CDON: variants seen among roughly 807,000 people sequenced by gnomAD.
CDON encodes the protein cell adhesion associated, oncogene regulated.
CDON carries 73 observed loss-of-function variants against 120.9 expected under a neutral mutation model. The observed-to-expected ratio is 0.60, with a 90% confidence interval of 0.50 to 0.73. The LOEUF is 0.73. Among genes scored for constraint, CDON ranks in the 30% least tolerant of loss-of-function variants. The pLI is 0.00. For missense variants in CDON, 1,470 were observed against 1,587.3 expected (o/e 0.93, Z 1.26); for synonymous variants, 566 against 573.5 (o/e 0.99, Z 0.19).
At chr11:126,062,244 G>A (rs1412423430) in intron 1 of CDON, among the ~76,000 whole-genome samples, 2 of 152,084 alleles carry the variant, frequency 1.3e-5, no homozygotes, top group East Asian at 1.9e-4. Context: ...GCTCCCTTGG[G>A]AAAACGCGCG....
chr11:126,038,141 G>A (rs1348574745), intron 1 of CDON, among the ~76,000 whole-genome samples: 1 of 152,110 alleles, frequency 6.6e-6, no homozygotes, highest in Non-Finnish European at 1.5e-5. Context: ...GAGACGTGAA[G>A]TTCAGTTTCA....
At chr11:126,003,027 G>A (rs7104467) in intron 10 of CDON, among the ~76,000 whole-genome samples, 45,304 of 151,852 alleles carry the variant, frequency 0.3, 7,199 homozygotes, top group East Asian at 0.53. Context: ...CTCCGATGTC[G>A]ACCGCTCATT....
chr11:125,986,015 A>T (rs1424465695), intron 15 of CDON, among the ~76,000 whole-genome samples: 1 of 152,244 alleles, frequency 6.6e-6, no homozygotes, highest in African/African-American at 2.4e-5. Context: ...ACACATGCAC[A>T]CGTATGTTTA....
chr11:125,981,414 G>A lies in CDON; in HGVS notation c.2996-85C>T. Reference sequence around the variant, plus strand: ...CATACGCACACACGCATGCACACATGCACATACGCACACACGCACACACGC... The same window carrying A: ...CATACGCACACACGCATGCACACATACACATACGCACACACGCACACACGC... On this transcript the variant is annotated intron_variant, in intron 16 of 19. Coordinates refer to ENST00000531738, the MANE Select transcript of CDON (RefSeq NM_001378964.1). 4.4e-6 allele frequency: 6 copies of A among 1,367,032 alleles called. No individual in the cohort carries two copies. In the South Asian group the frequency reaches 7.2e-5, roughly 16 times the overall value. The allele number at this position is 1,367,032 out of a possible 1,614,324, so 84.7% of individuals were successfully genotyped here.
chr11:125,982,217 G>A lies in CDON; in HGVS notation c.2996-888C>T, dbSNP rs537249190. Among the ~76,000 whole-genome samples, 5 of 151,806 alleles carry A rather than the reference G, an allele frequency of 3.3e-5. No individual in the cohort carries two copies. In the East Asian group the frequency reaches 5.8e-4, roughly 18 times the overall value. On this transcript the variant is annotated intron_variant, in intron 16 of 19. Coordinates refer to ENST00000531738, the MANE Select transcript of CDON (RefSeq NM_001378964.1). The stretch of plus-strand genomic sequence containing the variant: ...TTTCGATCTCCTGACCTCGTGATCC[G>A]CCCACCTCGGCTTCCCAAAGTGCTA...
At position 126,011,858 on chromosome 11, in the gene CDON, A is replaced by T. The variant is rs116438533; in HGVS notation, c.1199-1164T>A. Among the ~76,000 whole-genome samples the T allele has an allele frequency of 3.8e-3, 580 of 152,318 alleles. 3 individuals are homozygous for T. The highest frequency in any genetic ancestry group is 0.013 in the African/African-American group (528 of 41,574). ...TATTTAGATCTTTAATCCACTGAGAATGTATCTTTTATACAATGTGAGTAA... is the reference window on the plus strand; with the variant it reads ...TATTTAGATCTTTAATCCACTGAGATTGTATCTTTTATACAATGTGAGTAA... On this transcript the variant is annotated intron_variant, in intron 7 of 19. Coordinates refer to ENST00000531738, the MANE Select transcript of CDON (RefSeq NM_001378964.1).
chr11:126,021,194 A>G, intron 3 of CDON, 54 bp downstream of exon 3: 2 of 1,567,426 alleles, frequency 1.3e-6, no homozygotes, highest in Non-Finnish European at 1.7e-6. Flanking sequence ...AAATATAAGC[A>G]CTAACAGTAA....
At chr11:126,049,120 CA>C (rs1462767822) in intron 1 of CDON, among the ~76,000 whole-genome samples, 1 of 152,184 alleles carries the variant, frequency 6.6e-6, no homozygotes, top group Admixed American at 6.5e-5. Flanking sequence ...AAACAGCATA[CA>C]AATTAATGCA....
chr11:125,965,312 C>T (rs1945764858), intron 18 of CDON, among the ~76,000 whole-genome samples: 1 of 152,080 alleles, frequency 6.6e-6, no homozygotes. Flanking sequence ...ATTGTTCCTG[C>T]TAAGAACAAC....
chr11:126,034,999 G>A lies in CDON; in HGVS notation c.-61-11462C>T, dbSNP rs543205415. Among the ~76,000 whole-genome samples the A allele has an allele frequency of 2.0e-5, 3 of 152,172 alleles. No individual in the cohort carries two copies. The highest frequency in any genetic ancestry group is 6.5e-5 in the Admixed American group (1 of 15,276). On this transcript the variant is annotated intron_variant, in intron 1 of 19. Transcript: ENST00000531738. The surrounding 1 kb of genome is among the most constrained non-coding windows in gnomAD (Gnocchi z 4.5). ...GGAATATGGAAACATTTGAAAAAGT[G>A]CCCCATATAGGTGTTAGGTAATATA...
intron 15 of CDON, among the ~76,000 whole-genome samples, chr11:125,988,685 T>A (rs891949532): frequency 2.0e-5 from 3 of 152,240 alleles, no homozygotes; most frequent in Non-Finnish European, 4.4e-5. Context: ...AAACATCTAA[T>A]GAGCTATTTC....
chr11:125,990,138 C>T (rs1007473040), intron 14 of CDON, among the ~76,000 whole-genome samples: 11 of 152,114 alleles, frequency 7.2e-5, no homozygotes, highest in African/African-American at 2.7e-4. Context: ...CATGTTCCCC[C>T]ACCAAAAAGC....
chr11:125,982,230 T>G (rs914757347), intron 16 of CDON, among the ~76,000 whole-genome samples: 2 of 152,078 alleles, frequency 1.3e-5, no homozygotes, highest in Admixed American at 1.3e-4. Context: ...CACCTCGGCT[T>G]CCCAAAGTGC....
chr11:126,026,872 A>G (rs1947806460), intron 1 of CDON, among the ~76,000 whole-genome samples: 1 of 152,220 alleles, frequency 6.6e-6, no homozygotes, highest in Non-Finnish European at 1.5e-5. Context: ...TGAGGACAAG[A>G]AGGATTGTTT....
Position 125,957,970 on chromosome 11 carries a change from A to AT in CDON, c.*2971dup, listed in dbSNP as rs1436149232. 6.6e-6 allele frequency: 1 copy of AT among 152,222 alleles called. No individual in the cohort carries two copies. The highest frequency in any genetic ancestry group is 1.5e-5 in the Non-Finnish European group (1 of 68,044). 9.4% of individuals were successfully genotyped at this position (152,222 alleles called of 1,614,324 possible). On this transcript the variant is annotated 3_prime_UTR_variant, in exon 20 of 20. Coordinates refer to ENST00000531738, the MANE Select transcript of CDON (RefSeq NM_001378964.1). The stretch of plus-strand genomic sequence containing the variant: ...GAAGGAACATGAATAGGCTTGACCA[A>AT]TTTCGTGATCACTGAGCACAGTAAA...
At chr11:125,990,730 C>A (rs1436811492) in intron 14 of CDON, among the ~76,000 whole-genome samples, 1 of 152,182 alleles carries the variant, frequency 6.6e-6, no homozygotes, top group Non-Finnish European at 1.5e-5. Context: ...TCGCCAGACT[C>A]CTTTCTAACT....
intron 8 of CDON, among the ~76,000 whole-genome samples, chr11:126,006,276 A>G (rs1565522509): frequency 1.3e-5 from 2 of 152,214 alleles, no homozygotes. Flanking sequence ...AAAACCAATT[A>G]TATGATGCAA....
chr11:126,050,252 T>C (rs1223023926), intron 1 of CDON, among the ~76,000 whole-genome samples: 1 of 151,846 alleles, frequency 6.6e-6, no homozygotes, highest in Non-Finnish European at 1.5e-5. Flanking sequence ...CCTTAGAATT[T>C]AGCTATTTTA....
chr11:125,981,965 A>ATTTTCT (rs1946319426), intron 16 of CDON, among the ~76,000 whole-genome samples: 2 of 34,428 alleles, frequency 5.8e-5, no homozygotes, highest in African/African-American at 1.6e-4. Flanking sequence ...AAGTGATTCT[A>ATTTTCT]TTTTCTTTTT....
Sources: gnomAD v4.1 joint callset for allele counts (sites outside exome capture counted in the v4.1 genomes callset) on GRCh38, gnomAD v4.1.1 for gene constraint, Gnocchi (gnomAD v3.1) non-coding constraint, MANE v1.5 for transcripts, NCBI Gene and HGNC (gene_info 2026-07-23, HGNC 2026-07-21) for gene names.